Variants in DMPK observed in about 807,000 individuals in gnomAD.
DMPK encodes the protein myotonin-protein kinase.
In DMPK, 32 loss-of-function variants were observed where a neutral mutation model predicts 70.3. That is an observed-to-expected ratio of 0.46 (90% CI 0.34 to 0.61). The LOEUF (loss-of-function observed/expected upper bound fraction) is 0.61, where lower values mean the gene tolerates loss of function less well. Ranked by LOEUF, DMPK falls within the 20% of genes least tolerant of loss-of-function variation. DMPK has a pLI of 0.01. For missense variants in DMPK, 899 were observed against 886.0 expected (o/e 1.01, Z -0.19); for synonymous variants, 469 against 390.9 (o/e 1.20, Z -2.36).
At chr19:45,782,102 C>T in intron 1 of DMPK, 91 bp downstream of exon 1, 1 of 880,326 alleles carries the variant, frequency 1.1e-6, no homozygotes. Flanking sequence ...TCCTGCCATC[C>T]TGCCCCCCCA....
At position 45,776,182 on chromosome 19, in the gene DMPK, C is replaced by T. The variant is rs1464697328; in HGVS notation, c.1146+1145G>A. Among the ~76,000 whole-genome samples, 24 of 68,608 alleles carry T rather than the reference C, an allele frequency of 3.5e-4. 2 individuals carry two copies. The highest frequency in any genetic ancestry group is 5.8e-4 in the Non-Finnish European group (21 of 36,150). The allele number at this position is 68,608 out of a possible 152,430, so 45.0% of individuals were successfully genotyped here. On this transcript the variant is annotated intron_variant, in intron 8 of 14. Coordinates refer to ENST00000291270, the MANE Select transcript of DMPK (RefSeq NM_004409.5). ...TTTCTGAGACAGAGTCTCGCTCTGT[C>T]GCCCAGGCTGGAGTGCAGTGGCACG...
At chr19:45,782,110 C>G (rs965280335) in intron 1 of DMPK, 83 bp downstream of exon 1, 1 of 899,960 alleles carries the variant, frequency 1.1e-6, no homozygotes, top group Non-Finnish European at 1.5e-6. Context: ...TCCTGCCCCC[C>G]CAACAGCCAG....
Position 45,779,823 on chromosome 19 carries a change from G to C in DMPK, c.207C>G (p.Asp69Glu). 6.3e-7 allele frequency: 1 copy of C among 1,588,556 alleles called. No homozygotes were observed. The highest frequency in any genetic ancestry group is 8.6e-7 in the Non-Finnish European group (1 of 1,165,386). Residue 69 changes from aspartate (D) to glutamate (E), a missense_variant, in exon 2 of 15, where the codon GAC becomes GAG. Asp to Glu is a conservative substitution (Grantham distance 45). Transcript: ENST00000291270. ...VRLKEVRLQR[D>E]DFEILKVIGR... is the part of the protein sequence containing the mutation. ...CGATCACCTTCAGAATCTCGAAGTCGTCCCTCTGCAGTCGGACCTCCTTAA... is the reference window on the plus strand; with the variant it reads ...CGATCACCTTCAGAATCTCGAAGTCCTCCCTCTGCAGTCGGACCTCCTTAA...
chr19:45,771,047 G>T lies in DMPK; in HGVS notation c.1661C>A (p.Pro554Gln). Residue 554 changes from proline to glutamine, a missense_variant, in exon 14 of 15, where the codon CCG becomes CAG. Pro to Gln is a moderately conservative substitution (Grantham distance 76). This residue lies in a region of DMPK where 555 missense variants were observed against 483.8 expected (regional missense o/e 1.15). Transcript: ENST00000291270. ...TDPPSHLDGPPAVAVGQCPLV... is the reference protein window; with the variant it reads ...TDPPSHLDGPQAVAVGQCPLV... ...CGGGCACTGGCCCACAGCCACGGCCGGGGGGCCATCTAGCTGGAGAGAGAA... is the reference window on the plus strand; with the variant it reads ...CGGGCACTGGCCCACAGCCACGGCCTGGGGGCCATCTAGCTGGAGAGAGAA... 6.6e-7 allele frequency: 1 copy of T among 1,513,178 alleles called. No homozygotes were observed. The highest frequency in any genetic ancestry group is 2.2e-5 in the Admixed American group (1 of 46,008). 93.7% of individuals were successfully genotyped at this position (1,513,178 alleles called of 1,614,324 possible).
chr19:45,774,391 A>G (rs1242639887), intron 9 of DMPK, among the ~76,000 whole-genome samples: 2 of 149,944 alleles, frequency 1.3e-5, no homozygotes, highest in Non-Finnish European at 3.0e-5. Flanking sequence ...CCTCCCAAGT[A>G]GCTGGGACCG....
intron 1 of DMPK, chr19:45,780,077 G>C: frequency 6.6e-7 from 1 of 1,508,168 alleles, no homozygotes. Flanking sequence ...AGATGCCTGA[G>C]AAGCCCTTTG....
intron 9 of DMPK, among the ~76,000 whole-genome samples, chr19:45,773,829 G>A (rs1969616503): frequency 6.6e-6 from 1 of 151,872 alleles, no homozygotes; most frequent in Admixed American, 6.6e-5. Flanking sequence ...TTTTTGTAGA[G>A]ACAGGGTCTC....
chr19:45,771,632 G>T lies in DMPK; in HGVS notation c.1536C>A (p.Asp512Glu), dbSNP rs530429994. ...QLREAEARNR[D>E]LEAHVRQLQE... ...GCAACTGCCGGACGTGTGCCTCTAG[G>T]TCCCGGTTCCGAGCCTCTGCCTCGC... is the stretch of plus-strand genomic sequence containing the variant. The change falls in exon 12 of 15, where the codon GAC becomes GAA. Residue 512 changes from aspartate (D) to glutamate (E), a missense_variant. By Grantham distance (45) the Asp-to-Glu change is conservative. Transcript: ENST00000291270. The T allele has an allele frequency of 1.2e-6, 2 of 1,614,022 alleles. No individual in the cohort carries two copies. The highest frequency in any genetic ancestry group is 4.5e-5 in the East Asian group (2 of 44,874).
intron 6 of DMPK, 82 bp downstream of exon 6, chr19:45,778,045 A>G: frequency 7.4e-7 from 1 of 1,342,978 alleles, no homozygotes; most frequent in Non-Finnish European, 1.0e-6. Flanking sequence ...TTCCCCTCCA[A>G]ATCCAGTCCC....
rs771536499 is a variant in DMPK, at chr19:45,772,680, C to T, written c.1305G>A (p.Ala435=). The T allele has an allele frequency of 5.3e-5, 81 of 1,532,586 alleles. No individual in the cohort carries two copies. The highest frequency in any genetic ancestry group is 5.1e-4 in the African/African-American group (35 of 68,962). The allele number at this position is 1,532,586 out of a possible 1,614,324, so 94.9% of individuals were successfully genotyped here. The change falls in exon 10 of 15, where the codon GCG becomes GCA. Residue 435 remains alanine, a synonymous_variant. Transcript: ENST00000291270. ...GGGACACCGAGGGCTCCAGGCTGGG[C>T]GCTTGCACGTGTGGCTCAAGCAGCT... The part of the protein sequence containing the change: ...AEQLLEPHVQ[A]PSLEPSVSPQ...
rs1970169384 is a variant in DMPK, at chr19:45,782,304, G to C, written c.49C>G (p.Pro17Ala). Residue 17 changes from proline to alanine, a missense_variant, in exon 1 of 15, where the codon CCG (proline) becomes GCG (alanine). Coordinates refer to ENST00000291270, the MANE Select transcript of DMPK (RefSeq NM_004409.5). ...AGGGGCTCCAGCCCCAGGAAGCCCG[G>C]GTCCAACACCAGCTGCTGGAGCCGC... is the stretch of plus-strand genomic sequence containing the variant. ...LRRLQQLVLD[P>A]GFLGLEPLLD... 6.3e-7 allele frequency: 1 copy of C among 1,593,302 alleles called. No individual in the cohort carries two copies. The highest frequency in any genetic ancestry group is 1.1e-5 in the South Asian group (1 of 88,412).
At chr19:45,778,870 G>A (rs1246959216) in intron 4 of DMPK, 10 of 559,606 alleles carry the variant, frequency 1.8e-5, no homozygotes, top group South Asian at 9.1e-5. Flanking sequence ...GGATGTCACT[G>A]GGCAGATTCA....
At position 45,770,524 on chromosome 19, in the gene DMPK, T is replaced by A. The variant is rs759340573; in HGVS notation, c.1854A>T (p.Ala618=). The A allele has an allele frequency of 6.4e-7, 1 of 1,550,418 alleles. No homozygotes were observed. The highest frequency in any genetic ancestry group is 2.0e-5 in the Admixed American group (1 of 50,986). ...GLVAHAGQLT[A]VWRRPGAARA... The stretch of plus-strand genomic sequence containing the variant: ...GGGCGGCTCCTGGGCGGCGCCAGAC[T>A]GCGGTGAGTTGGCCGGCGTGGGCCA... The change falls in exon 15 of 15, where the codon GCA becomes GCT. Residue 618 remains alanine (A), a synonymous_variant. Transcript: ENST00000291270.
At chr19:45,771,250 G>A (rs747888241) in intron 13 of DMPK, 100 bp downstream of exon 13, 39 of 1,468,392 alleles carry the variant, frequency 2.7e-5, no homozygotes, top group Non-Finnish European at 3.4e-5. Context: ...TCGCAAAGAC[G>A]TAGGGTGAGC....
In DMPK at chr19:45,770,556, C is replaced by A. The variant is rs1422005666; in HGVS notation, c.1822G>T (p.Gly608Trp). 2.6e-6 allele frequency: 4 copies of A among 1,551,098 alleles called. No individual in the cohort carries two copies. Among genetic ancestry groups the A allele is most frequent in the Non-Finnish European group, 2.6e-6 (3 of 1,147,080 alleles). ...LSRAAALGCI[G>W]LVAHAGQLTA... is the part of the protein sequence containing the mutation. ...AGTTGGCCGGCGTGGGCCACCAACC[C>A]AATGCAGCCCAGGGCGGCGGCACGA... Residue 608 changes from glycine to tryptophan, a missense_variant, in exon 15 of 15, where the codon GGG (glycine) becomes TGG (tryptophan). Gly to Trp is a radical substitution (Grantham distance 184). Transcript: ENST00000291270.
chr19:45,776,647 C>CG (rs1286622515), intron 8 of DMPK: 3 of 152,440 alleles, frequency 2.0e-5, no homozygotes, highest in Non-Finnish European at 2.9e-5. Flanking sequence ...TTTGTAGAGA[C>CG]GGGGGTCTCA....
Position 45,770,227 on chromosome 19 carries a change from AGCAGCAGCAGC to A in DMPK, c.*250_*260del. 1 of 211,962 alleles carries A rather than the reference AGCAGCAGCAGC, an allele frequency of 4.7e-6. No individual in the cohort carries two copies. The highest frequency in any genetic ancestry group is 6.1e-6 in the Non-Finnish European group (1 of 163,818). The allele number at this position is 211,962 out of a possible 1,614,324, so 13.1% of individuals were successfully genotyped here. On this transcript the variant is annotated 3_prime_UTR_variant, in exon 15 of 15. Coordinates refer to ENST00000291270, the MANE Select transcript of DMPK (RefSeq NM_004409.5). ...CCCCAGCAGCAGCAGCAGCAGCAGCAGCAGCAGCAGCAGCAGCAGCAGCAGCAGCAGCAGCA... is the reference window on the plus strand; with the variant it reads ...CCCCAGCAGCAGCAGCAGCAGCAGCAAGCAGCAGCAGCAGCAGCAGCAGCA...
Position 45,770,995 on chromosome 19 carries a change from G to GC in DMPK, c.1712dup (p.Arg572ProfsTer11). 5 of 1,438,736 alleles carry GC rather than the reference G, an allele frequency of 3.5e-6. No homozygotes were observed. Among genetic ancestry groups the GC allele is most frequent in the Non-Finnish European group, 4.5e-6 (5 of 1,099,904 alleles). The allele number at this position is 1,438,736 out of a possible 1,614,324, so 89.1% of individuals were successfully genotyped here. The stretch of plus-strand genomic sequence containing the variant: ...CCCTGGCAGGGAGCAGCAGGTGGCG[G>GC]CGGTGCATGGGGCCTGGCCCCACCA... On this transcript the variant is annotated frameshift_variant, in exon 14 of 15. Transcript: ENST00000291270. LOFTEE classifies it high-confidence loss of function.
chr19:45,781,305 G>A lies in DMPK; in HGVS notation c.160+888C>T, dbSNP rs796351767. Among the ~76,000 whole-genome samples, 5 of 152,326 alleles carry A rather than the reference G, an allele frequency of 3.3e-5. 1 individual carries two copies. The highest frequency in any genetic ancestry group is 4.1e-4 in the South Asian group (2 of 4,824). ...AAAGAAACCAGTGACCAGTGAGCCCGAGTCCTGGGCTTGGGGAGGAGGTGG... is the reference window on the plus strand; with the variant it reads ...AAAGAAACCAGTGACCAGTGAGCCCAAGTCCTGGGCTTGGGGAGGAGGTGG... On this transcript the variant is annotated intron_variant, in intron 1 of 14. Coordinates refer to ENST00000291270, the MANE Select transcript of DMPK (RefSeq NM_004409.5).
Sources: gnomAD v4.1 joint callset for allele counts (sites outside exome capture counted in the v4.1 genomes callset) on GRCh38, gnomAD v4.1.1 for gene constraint, gnomAD v4.1.1 regional missense constraint, MANE v1.5 for transcripts, NCBI Gene and HGNC (gene_info 2026-07-23, HGNC 2026-07-21) for gene names.